The following GPC3 variants were observed in gnomAD, a reference collection of about 807,000 sequenced individuals.
GPC3 encodes glypican 3.
Under a neutral mutation model 34.4 loss-of-function variants are expected in GPC3, and 3 were observed. That is an observed-to-expected ratio of 0.09 (90% confidence interval 0.04 to 0.23). GPC3 has a LOEUF of 0.23. Ranked by LOEUF, GPC3 falls within the 10% of genes least tolerant of loss-of-function variation. The pLI, the probability that GPC3 is intolerant of heterozygous loss-of-function variation, is 1.00. For missense variants in GPC3, 351 were observed against 445.6 expected, an observed-to-expected ratio of 0.79 and a Z score of 1.91; for synonymous variants, 177 against 174.0, an observed-to-expected ratio of 1.02 and a Z score of -0.13.
intron 7 of GPC3, among the ~76,000 whole-genome samples, chrX:133,550,195 A>T (rs1378217165): frequency 9.2e-6 from 1 of 109,194 alleles, no homozygotes; most frequent in Non-Finnish European, 1.9e-5. Context: ...TTGTATTTTG[A>T]GTAGAGATGG....
At position 133,584,940 on chromosome X, in the gene GPC3, A is replaced by C. The variant is rs1279196855; in HGVS notation, c.1573+11500T>G. Among the ~76,000 whole-genome samples, 9 of 110,236 alleles carry C rather than the reference A, an allele frequency of 8.2e-5. No homozygotes were observed. In the South Asian group the frequency reaches 1.9e-3, roughly 23 times the overall value. ...AGGATTATAAAAAGCCAAAAAAAAA[A>C]AAAAAACAAAAAAACAAAAAACAGA... On this transcript the variant is annotated intron_variant, in intron 7 of 7. Transcript: ENST00000370818.
chrX:133,690,116 A>C (rs1210944257), intron 5 of GPC3, among the ~76,000 whole-genome samples: 4 of 111,542 alleles, frequency 3.6e-5, no homozygotes, highest in Non-Finnish European at 7.5e-5. Flanking sequence ...GCTGATTTAC[A>C]TTTGCCAGAG....
intron 2 of GPC3, among the ~76,000 whole-genome samples, chrX:133,766,533 C>T (rs2071847575): frequency 1.8e-5 from 2 of 112,281 alleles, no homozygotes; most frequent in Non-Finnish European, 3.8e-5. Flanking sequence ...ACCATATCTG[C>T]AAAATGCCTC....
chrX:133,743,740 T>C (rs2071586050), intron 3 of GPC3, among the ~76,000 whole-genome samples: 1 of 112,346 alleles, frequency 8.9e-6, no homozygotes, highest in Admixed American at 9.5e-5. Flanking sequence ...TCGACATCTT[T>C]TTAAAAAGGC....
intron 3 of GPC3, among the ~76,000 whole-genome samples, chrX:133,738,861 T>C (rs1384323581): frequency 9.0e-6 from 1 of 111,667 alleles, no homozygotes; most frequent in Non-Finnish European, 1.9e-5. Flanking sequence ...CTGGGGGATA[T>C]GATTGATTCT....
chrX:133,682,958 C>T (rs1055068511), intron 5 of GPC3, among the ~76,000 whole-genome samples: 4 of 99,080 alleles, frequency 4.0e-5, no homozygotes, highest in African/African-American at 1.5e-4. Context: ...CAGAGCTAGA[C>T]TCTGACTCAA....
intron 6 of GPC3, among the ~76,000 whole-genome samples, chrX:133,604,150 C>G (rs182534581): frequency 2.7e-5 from 3 of 111,352 alleles, no homozygotes. Flanking sequence ...GACATTGAAG[C>G]TCAGTAACCT....
chrX:133,849,768 CTT>C (rs2075863922), intron 2 of GPC3, among the ~76,000 whole-genome samples: 1 of 111,217 alleles, frequency 9.0e-6, no homozygotes, highest in South Asian at 3.8e-4. Context: ...AGAGGGCTGT[CTT>C]TACCTCTCTT....
At chrX:133,680,018 A>G in intron 5 of GPC3, among the ~76,000 whole-genome samples, 1 of 111,630 alleles carries the variant, frequency 9.0e-6, no homozygotes, top group Non-Finnish European at 1.9e-5. Flanking sequence ...AGCTCTCAAT[A>G]TAGTGTCGCT....
chrX:133,859,569 G>A (rs1010458750), intron 2 of GPC3, among the ~76,000 whole-genome samples: 9 of 111,911 alleles, frequency 8.0e-5, no homozygotes, highest in Non-Finnish European at 1.7e-4. Context: ...AGATGGTGGT[G>A]AATGACTTAC....
chrX:133,683,719 G>T (rs189471347), intron 5 of GPC3, among the ~76,000 whole-genome samples: 264 of 112,303 alleles, frequency 2.4e-3, no homozygotes, highest in African/African-American at 8.2e-3. Flanking sequence ...GGAGCACACT[G>T]TATTAAGCCA....
At chrX:133,663,661 G>A (rs2070745168) in intron 5 of GPC3, among the ~76,000 whole-genome samples, 1 of 111,644 alleles carries the variant, frequency 9.0e-6, no homozygotes, top group African/African-American at 3.3e-5. Flanking sequence ...TGCTCTGGAA[G>A]TATGTTTAGG....
At chrX:133,628,559 G>A (rs2070332022) in intron 6 of GPC3, among the ~76,000 whole-genome samples, 1 of 109,746 alleles carries the variant, frequency 9.1e-6, no homozygotes, top group Admixed American at 9.8e-5. Flanking sequence ...AGGAGGCTGA[G>A]TTGGGAGAAT....
At chrX:133,799,606 A>G (rs1485206866) in intron 2 of GPC3, among the ~76,000 whole-genome samples, 2 of 111,068 alleles carry the variant, frequency 1.8e-5, no homozygotes, top group Non-Finnish European at 3.8e-5. Flanking sequence ...CTGTGCCTGA[A>G]ATTCCCTTTT....
chrX:133,724,063 A>G (rs1408183739), intron 3 of GPC3, among the ~76,000 whole-genome samples: 1 of 112,148 alleles, frequency 8.9e-6, no homozygotes, highest in Non-Finnish European at 1.9e-5. Context: ...TTACGTTATC[A>G]CATGGAGCTT....
chrX:133,758,839 C>T (rs189718407), intron 2 of GPC3, among the ~76,000 whole-genome samples: 3 of 111,106 alleles, frequency 2.7e-5, no homozygotes, highest in African/African-American at 9.8e-5. Context: ...CTGCCAATAT[C>T]CTACATCATT....
chrX:133,786,599 A>G (rs1488221590), intron 2 of GPC3, among the ~76,000 whole-genome samples: 2 of 111,764 alleles, frequency 1.8e-5, no homozygotes, highest in African/African-American at 6.5e-5. Context: ...GGAGCCTGAC[A>G]TATGCACTGG....
At position 133,584,938 on chromosome X, in the gene GPC3, A is replaced by C. The variant is rs1370975243; in HGVS notation, c.1573+11502T>G. Among the ~76,000 whole-genome samples, 4 of 110,406 alleles carry C rather than the reference A, an allele frequency of 3.6e-5. 1 individual carries two copies. The Admixed American group carries it at 3.9e-4, about 11-fold the overall frequency. On this transcript the variant is annotated intron_variant, in intron 7 of 7. Coordinates refer to ENST00000370818, the MANE Select transcript of GPC3 (RefSeq NM_004484.4). The stretch of plus-strand genomic sequence containing the variant: ...TTAGGATTATAAAAAGCCAAAAAAA[A>C]AAAAAAAACAAAAAAACAAAAAACA...
chrX:133,609,064 C>T (rs1419164058), intron 6 of GPC3, among the ~76,000 whole-genome samples: 1 of 111,803 alleles, frequency 8.9e-6, no homozygotes, highest in East Asian at 2.8e-4. Flanking sequence ...GCAACAGCAG[C>T]AAAGGAATGG....
Sources: allele counts gnomAD v4.1 joint callset (sites outside exome capture counted in the v4.1 genomes callset), GRCh38; gene constraint gnomAD v4.1.1; transcripts MANE v1.5; gene names NCBI Gene and HGNC (gene_info 2026-07-23, HGNC 2026-07-21).